Variants in HDHD5 observed in about 807,000 individuals in gnomAD.
The protein encoded by HDHD5 is haloacid dehalogenase-like hydrolase domain-containing 5.
In HDHD5, 34 loss-of-function variants were observed where a neutral mutation model predicts 35.5. The ratio of observed to expected loss-of-function variants is 0.96; its 90% confidence interval spans 0.73 to 1.28. The LOEUF is 1.28. Among genes scored for constraint, HDHD5 ranks in the 50% most tolerant of loss-of-function variants. The pLI is 0.00. For synonymous variants in HDHD5, 248 were observed against 240.6 expected, an observed-to-expected ratio of 1.03 and a Z score of -0.29; for missense variants, 589 against 560.2, an observed-to-expected ratio of 1.05 and a Z score of -0.52.
At chr22:17,153,790 C>T (rs1163172828) in intron 1 of HDHD5, among the ~76,000 whole-genome samples, 1 of 152,128 alleles carries the variant, frequency 6.6e-6, no homozygotes, top group Non-Finnish European at 1.5e-5. Context: ...TGCTGAATGA[C>T]CCAAAGGATA....
chr22:17,144,565 C>G (rs1232981271), intron 4 of HDHD5, among the ~76,000 whole-genome samples: 1 of 152,132 alleles, frequency 6.6e-6, no homozygotes, highest in Non-Finnish European at 1.5e-5. Context: ...AGGCATCCAT[C>G]ACTGTGCCCA....
chr22:17,149,088 A>G (rs1023979952), intron 2 of HDHD5, among the ~76,000 whole-genome samples: 3 of 152,210 alleles, frequency 2.0e-5, no homozygotes, highest in Admixed American at 1.3e-4. Flanking sequence ...CTAATCAATC[A>G]GCTATTTTAT....
chr22:17,159,710 C>A (rs1434577467), upstream of HDHD5: 5 of 301,286 alleles, frequency 1.7e-5, no homozygotes, highest in East Asian at 1.5e-4. Context: ...GCTCGTCGCG[C>A]GCCAATTGTT....
upstream of HDHD5, chr22:17,159,363 C>T (rs777860484): frequency 2.4e-5 from 29 of 1,203,150 alleles, no homozygotes; most frequent in Non-Finnish European, 3.1e-5. Flanking sequence ...AGTTGTAGTC[C>T]TGTAAGCGCG....
At chr22:17,159,440 T>G (rs2061844902), upstream of HDHD5, 2 of 617,136 alleles carry the variant, frequency 3.2e-6, no homozygotes, top group South Asian at 1.5e-5. Flanking sequence ...AAGGAAGAAG[T>G]GCGGGGTCCC....
rs1201821111 is a variant in HDHD5 at position 17,146,351 on chromosome 22, T to C, written c.444-1234A>G. Among the ~76,000 whole-genome samples the C allele has an allele frequency of 4.9e-3, 583 of 118,230 alleles. No individual in the cohort carries two copies. In the Middle Eastern group the frequency reaches 0.058, roughly 12 times the overall value. 77.6% of individuals were successfully genotyped at this position (118,230 alleles called of 152,430 possible). The stretch of plus-strand genomic sequence containing the variant: ...TTCAATCACATGCCATCGCACACGC[T>C]CCACACCTGTGACGCCCTCCTGTGA... On this transcript the variant is annotated intron_variant, in intron 3 of 7. Transcript: ENST00000336737.
intron 1 of HDHD5, among the ~76,000 whole-genome samples, chr22:17,152,850 C>T (rs1288455821): frequency 1.3e-5 from 2 of 152,034 alleles, no homozygotes. Context: ...GCAAGACCCC[C>T]GGGAGAGGCA....
At chr22:17,152,487 G>A (rs574776067) in intron 1 of HDHD5, among the ~76,000 whole-genome samples, 7 of 152,186 alleles carry the variant, frequency 4.6e-5, no homozygotes, top group East Asian at 1.9e-4. Flanking sequence ...CTGGGAACCC[G>A]GGAGGGTGGA....
intron 1 of HDHD5, among the ~76,000 whole-genome samples, chr22:17,153,050 C>T (rs1368018885): frequency 1.3e-5 from 2 of 152,186 alleles, no homozygotes; most frequent in East Asian, 1.9e-4. Flanking sequence ...GCCCCACACG[C>T]CACACAGGAA....
At chr22:17,141,012 G>A in intron 6 of HDHD5, 47 bp downstream of exon 6, 1 of 1,512,556 alleles carries the variant, frequency 6.6e-7, no homozygotes, top group Non-Finnish European at 8.8e-7. Context: ...CCAGGCAGCA[G>A]CCAGGAATAG....
Position 17,138,191 on chromosome 22 carries a change from G to T in HDHD5, c.1102C>A (p.Pro368Thr), listed in dbSNP as rs745396956. Residue 368 changes from proline (P) to threonine (T), a missense_variant, in exon 8 of 8, where the codon CCC (proline) becomes ACC (threonine). Physicochemically the swap from Pro to Thr is conservative, Grantham distance 38. Coordinates refer to ENST00000336737, the MANE Select transcript of HDHD5 (RefSeq NM_033070.3). ...SILVCTGVYN[P>T]RNPQSTEPVL... is the part of the protein sequence containing the mutation. ...GGCTCCGTGGACTGTGGGTTCCTGG[G>T]ATTGTAGACGCCTGTACACACCAGG... 3 of 1,614,198 alleles carry T rather than the reference G, an allele frequency of 1.9e-6. No homozygotes were observed. In the Admixed American group the frequency reaches 5.0e-5, roughly 27 times the overall value.
At chr22:17,139,906 A>G (rs1308900155) in intron 6 of HDHD5, among the ~76,000 whole-genome samples, 1 of 152,254 alleles carries the variant, frequency 6.6e-6, no homozygotes, top group African/African-American at 2.4e-5. Flanking sequence ...TTTAATTAGA[A>G]AAGTTCATCT....
At chr22:17,139,064 T>C (rs1265668220) in intron 6 of HDHD5, among the ~76,000 whole-genome samples, 1 of 152,200 alleles carries the variant, frequency 6.6e-6, no homozygotes, top group Non-Finnish European at 1.5e-5. Context: ...CAGACTACGG[T>C]TGCGCTTCTC....
chr22:17,148,424 C>A (rs1401075944), intron 3 of HDHD5, 24 bp downstream of exon 3: 1 of 1,590,672 alleles, frequency 6.3e-7, no homozygotes, highest in Non-Finnish European at 8.6e-7. Context: ...TTCCCTTCAG[C>A]CAGAGTTAAG....
chr22:17,153,295 A>G (rs2061749442), intron 1 of HDHD5, among the ~76,000 whole-genome samples: 1 of 152,194 alleles, frequency 6.6e-6, no homozygotes, highest in Non-Finnish European at 1.5e-5. Flanking sequence ...CTGGACAAAT[A>G]AGGCATCAAC....
intron 3 of HDHD5, 25 bp downstream of exon 3, chr22:17,148,423 G>A (rs2061689106): frequency 1.3e-6 from 2 of 1,582,142 alleles, no homozygotes. Flanking sequence ...CTTCCCTTCA[G>A]CCAGAGTTAA....
chr22:17,161,029 C>G (rs960552830), upstream of HDHD5, among the ~76,000 whole-genome samples: 1 of 151,172 alleles, frequency 6.6e-6, no homozygotes, highest in Non-Finnish European at 1.5e-5. Flanking sequence ...CCAAGTCAGG[C>G]GGATCATCTG....
At position 17,138,048 on chromosome 22, in the gene HDHD5, G is replaced by T; in HGVS notation, c.1245C>A (p.Phe415Leu). The change falls in exon 8 of 8, where the codon TTC (phenylalanine) becomes TTA (leucine). Residue 415 changes from phenylalanine (F) to leucine (L), a missense_variant. Coordinates refer to ENST00000336737, the MANE Select transcript of HDHD5 (RefSeq NM_033070.3). ...NDVNEAVQLV[F>L]RKEGWALE ...ACTCCAAAGCCCAGCCCTCCTTGCGGAAGACCAGCTGCACAGCCTCATTCA... is the reference window on the plus strand; with the variant it reads ...ACTCCAAAGCCCAGCCCTCCTTGCGTAAGACCAGCTGCACAGCCTCATTCA... The T allele has an allele frequency of 6.2e-7, 1 of 1,613,196 alleles. No individual in the cohort carries two copies. The highest frequency in any genetic ancestry group is 8.5e-7 in the Non-Finnish European group (1 of 1,179,288).
At chr22:17,164,452 G>A (rs1441237685) in intron 1 of HDHD5, among the ~76,000 whole-genome samples, 4 of 152,200 alleles carry the variant, frequency 2.6e-5, no homozygotes, top group African/African-American at 9.7e-5. Flanking sequence ...AAGTAGTTGG[G>A]AGAGAACAAC....
Sources: allele counts gnomAD v4.1 joint callset (sites outside exome capture counted in the v4.1 genomes callset), GRCh38; gene constraint gnomAD v4.1.1; transcripts MANE v1.5; gene names NCBI Gene and HGNC (gene_info 2026-07-23, HGNC 2026-07-21).